Variants in NEBL observed in about 807,000 individuals in gnomAD.
The protein encoded by NEBL is nebulette.
A neutral mutation model predicts 140.2 loss-of-function variants in NEBL; 122 were observed. The ratio of observed to expected loss-of-function variants is 0.87; its 90% CI spans 0.75 to 1.01. The LOEUF (loss-of-function observed/expected upper bound fraction) is 1.01, where lower values mean the gene tolerates loss of function less well. Ranked by LOEUF, NEBL falls within the 50% of genes least tolerant of loss-of-function variation. The probability of loss-of-function intolerance (pLI) is 0.00; values close to 1 mark genes in which losing one functional copy is unlikely to be tolerated. For synonymous variants in NEBL, 436 were observed against 398.9 expected (o/e 1.09, Z -1.11); for missense variants, 1,365 against 1,231.3 (o/e 1.11, Z -1.62).
chr10:20,840,378 G>T (rs1270876304), intron 13 of NEBL, among the ~76,000 whole-genome samples: 1 of 152,146 alleles, frequency 6.6e-6, no homozygotes, highest in African/African-American at 2.4e-5. Flanking sequence ...GGGAGAGTCA[G>T]TTGGGTTATG....
At chr10:20,961,809 C>A (rs761555700) in intron 3 of NEBL, 1 of 1,538,896 alleles carries the variant, frequency 6.5e-7, no homozygotes, top group Non-Finnish European at 9.0e-7. Context: ...GAAAAGTGAA[C>A]AGAGGGATCA....
At chr10:21,149,521 C>A (rs1047496796) in intron 2 of NEBL, among the ~76,000 whole-genome samples, 1 of 152,210 alleles carries the variant, frequency 6.6e-6, no homozygotes, top group African/African-American at 2.4e-5. Flanking sequence ...AAACTCCAGA[C>A]CTCAAGTGAT....
chr10:21,083,556 C>T (rs538541970), intron 2 of NEBL, among the ~76,000 whole-genome samples: 1 of 152,124 alleles, frequency 6.6e-6, no homozygotes, highest in African/African-American at 2.4e-5. Flanking sequence ...CCGCTCCTCT[C>T]AGAGAAGTCC....
chr10:20,788,535 A>T (rs1835637504), intron 26 of NEBL, among the ~76,000 whole-genome samples: 1 of 152,176 alleles, frequency 6.6e-6, no homozygotes, highest in Non-Finnish European at 1.5e-5. Flanking sequence ...TGTTCTCCAG[A>T]TGATAATTAT....
chr10:21,094,116 G>C (rs1182352988), intron 2 of NEBL, among the ~76,000 whole-genome samples: 3 of 152,126 alleles, frequency 2.0e-5, no homozygotes, highest in Non-Finnish European at 4.4e-5. Context: ...CAACACTTTG[G>C]GAGGCTGAAG....
chr10:21,192,853 A>T (rs1841595130), intron 3 of NEBL, among the ~76,000 whole-genome samples: 1 of 151,692 alleles, frequency 6.6e-6, no homozygotes, highest in East Asian at 2.0e-4. Flanking sequence ...AAAAGAGGAC[A>T]CAATTTCTGA....
upstream of NEBL, among the ~76,000 whole-genome samples, chr10:21,177,254 A>T (rs535084625): frequency 6.6e-6 from 1 of 152,334 alleles, no homozygotes; most frequent in African/African-American, 2.4e-5. Flanking sequence ...GGCCTTGAAA[A>T]GATCATACTG....
chr10:21,149,810 C>G (rs1195969256), intron 2 of NEBL, among the ~76,000 whole-genome samples: 1 of 152,156 alleles, frequency 6.6e-6, no homozygotes, highest in Non-Finnish European at 1.5e-5. Context: ...CCTGTGGGAT[C>G]TGGTGCTATG....
rs149176047 is a variant in NEBL at position 20,791,440 on chromosome 10, G to A, written c.2762-4132C>T. ...GTTTTTTGAGATGGGGTCTCACTCT[G>A]TCACCCAGGCTGTAGAGTAGTGATG... is the stretch of plus-strand genomic sequence containing the variant. On this transcript the variant is annotated intron_variant, in intron 26 of 27. Coordinates refer to ENST00000377122, the MANE Select transcript of NEBL (RefSeq NM_006393.3). 2.6e-5 allele frequency among the ~76,000 whole-genome samples: 4 copies of A among 152,262 alleles called. No individual in the cohort carries two copies. The South Asian group carries it at 8.3e-4, about 32-fold the overall frequency.
chr10:20,811,274 C>T (rs527756347), intron 24 of NEBL, among the ~76,000 whole-genome samples: 3 of 152,298 alleles, frequency 2.0e-5, no homozygotes, highest in South Asian at 2.1e-4. Context: ...TGAGAGCCCA[C>T]GGTCTAGACA....
intron 23 of NEBL, 76 bp from the exon 24 acceptor site, chr10:20,813,016 T>C: frequency 2.4e-6 from 3 of 1,232,700 alleles, no homozygotes; most frequent in Non-Finnish European, 3.5e-6. Context: ...AAATGACAGG[T>C]GTACACTGCA....
intron 3 of NEBL, among the ~76,000 whole-genome samples, chr10:20,967,691 C>T (rs144058895): frequency 6.6e-6 from 1 of 151,432 alleles, no homozygotes; most frequent in African/African-American, 2.4e-5. Flanking sequence ...TAACAACTTT[C>T]AGGGGAGTGG....
intron 2 of NEBL, among the ~76,000 whole-genome samples, chr10:21,040,473 A>G (rs1168184938): frequency 2.0e-5 from 3 of 152,198 alleles, no homozygotes; most frequent in Non-Finnish European, 4.4e-5. Flanking sequence ...GGGAGCAGGT[A>G]TGTTACCTGG....
intron 2 of NEBL, among the ~76,000 whole-genome samples, chr10:21,049,138 G>A (rs764497414): frequency 4.6e-5 from 7 of 152,156 alleles, no homozygotes; most frequent in East Asian, 1.9e-4. Flanking sequence ...AAAGTGATCC[G>A]TACTAAAAGT....
chr10:21,146,270 C>T, intron 2 of NEBL: 1 of 1,228,534 alleles, frequency 8.1e-7, no homozygotes, highest in Non-Finnish European at 1.2e-6. Context: ...CAGGCAGCAT[C>T]ATTTACATCA....
intron 18 of NEBL, among the ~76,000 whole-genome samples, chr10:20,824,381 T>C (rs1839640409): frequency 6.6e-6 from 1 of 152,208 alleles, no homozygotes. Context: ...TCTTAGTATC[T>C]GTGGATTTCA....
At position 20,785,568 on chromosome 10, in the gene NEBL, T is replaced by C. The variant is rs1393586629; in HGVS notation, c.*179A>G. ...TTTTGTTTGTAGGAATTACTGAAAA[T>C]GCTGCTGTTTTCAGCCCAGAGGTCA... On this transcript the variant is annotated 3_prime_UTR_variant, in exon 28 of 28. Transcript: ENST00000377122. The C allele has an allele frequency of 5.8e-6, 4 of 689,006 alleles. No homozygotes were observed. The highest frequency in any genetic ancestry group is 9.7e-6 in the Non-Finnish European group (4 of 411,070). 42.7% of individuals were successfully genotyped at this position (689,006 alleles called of 1,614,324 possible).
At chr10:21,116,615 T>G (rs1207052180) in intron 2 of NEBL, among the ~76,000 whole-genome samples, 1 of 152,068 alleles carries the variant, frequency 6.6e-6, no homozygotes, top group Non-Finnish European at 1.5e-5. Flanking sequence ...TATATACTGT[T>G]TTTCTCCTCA....
upstream of NEBL, among the ~76,000 whole-genome samples, chr10:20,899,226 G>A (rs540541149): frequency 6.6e-6 from 1 of 152,286 alleles, no homozygotes; most frequent in Non-Finnish European, 1.5e-5. Context: ...TGGAAATAGG[G>A]AGGAGTAATT....
Sources: gnomAD v4.1 joint callset for allele counts (sites outside exome capture counted in the v4.1 genomes callset) on GRCh38, gnomAD v4.1.1 for gene constraint, MANE v1.5 for transcripts, NCBI Gene and HGNC (gene_info 2026-07-23, HGNC 2026-07-21) for gene names.